BBS9: variants seen among roughly 807,000 people sequenced by gnomAD.
The protein encoded by BBS9 is Bardet-Biedl syndrome 9, also known as protein PTHB1.
Under a neutral mutation model 117.7 loss-of-function variants are expected in BBS9, and 89 were observed. The ratio of observed to expected loss-of-function variants is 0.76; its 90% CI spans 0.64 to 0.90. BBS9 has a LOEUF of 0.90. Ranked by LOEUF, BBS9 falls within the 40% of genes least tolerant of loss-of-function variation. The pLI, the probability that BBS9 is intolerant of heterozygous loss-of-function variation, is 0.00. For synonymous variants in BBS9, 379 were observed against 370.9 expected (o/e 1.02, Z -0.25); for missense variants, 982 against 1,042.2 (o/e 0.94, Z 0.80).
intron 20 of BBS9, among the ~76,000 whole-genome samples, chr7:33,527,279 G>C (rs1435373568): frequency 6.6e-6 from 1 of 152,232 alleles, no homozygotes; most frequent in Non-Finnish European, 1.5e-5. Flanking sequence ...GCTCCCCCCA[G>C]TTCGAGCTTC....
chr7:33,255,806 A>G (rs1796951755), intron 5 of BBS9, among the ~76,000 whole-genome samples: 1 of 152,214 alleles, frequency 6.6e-6, no homozygotes, highest in South Asian at 2.1e-4. Context: ...ACATGCATAT[A>G]AACTCACATC....
chr7:33,448,303 T>C (rs899640445), intron 19 of BBS9, among the ~76,000 whole-genome samples: 2 of 152,180 alleles, frequency 1.3e-5, no homozygotes, highest in East Asian at 3.8e-4. Context: ...GTATATTCTA[T>C]TGGGCTTGGG....
chr7:33,607,040 C>T (rs2129211299), downstream of BBS9, among the ~76,000 whole-genome samples: 1 of 152,198 alleles, frequency 6.6e-6, no homozygotes. Context: ...CCCTGGAGAA[C>T]TCTATGCCTC....
chr7:33,288,769 T>C (rs550033976), intron 9 of BBS9, among the ~76,000 whole-genome samples: 11 of 152,192 alleles, frequency 7.2e-5, no homozygotes, highest in Non-Finnish European at 1.6e-4. Context: ...ATGATGATAA[T>C]AGCAATTTGT....
chr7:33,387,867 T>A (rs1246100854), intron 18 of BBS9, 125 bp from the exon 19 acceptor site: 3 of 1,090,946 alleles, frequency 2.7e-6, no homozygotes, highest in Non-Finnish European at 4.1e-6. Flanking sequence ...TTTAATTCCC[T>A]TAACTCTATA....
chr7:33,315,321 C>T lies in BBS9; in HGVS notation c.1017-21120C>T, dbSNP rs144010670. On this transcript the variant is annotated intron_variant, in intron 9 of 22. Coordinates refer to ENST00000242067, the MANE Select transcript of BBS9 (RefSeq NM_198428.3). ...AGACTCATCATTGCAGTCTCTTCCT[C>T]TGTCTTCACAAGGCTCTCTCCCCTG... 5.1e-3 allele frequency among the ~76,000 whole-genome samples: 777 copies of T among 152,226 alleles called. 7 individuals carry two copies. Among genetic ancestry groups the T allele is most frequent in the South Asian group, 0.02 (98 of 4,814 alleles).
intron 21 of BBS9, among the ~76,000 whole-genome samples, chr7:33,591,608 A>G (rs559907613): frequency 3.3e-5 from 5 of 152,040 alleles, no homozygotes; most frequent in Non-Finnish European, 7.4e-5. Context: ...ACATTTAAAT[A>G]CATTGCTCTA....
intron 9 of BBS9, among the ~76,000 whole-genome samples, chr7:33,324,068 C>T (rs1228021285): frequency 6.6e-6 from 1 of 152,000 alleles, no homozygotes; most frequent in Non-Finnish European, 1.5e-5. Flanking sequence ...GAACTCTTGA[C>T]CTCAAGTAAT....
chr7:33,226,839 T>G (rs953832252), intron 5 of BBS9, among the ~76,000 whole-genome samples: 49 of 151,998 alleles, frequency 3.2e-4, no homozygotes, highest in African/African-American at 1.1e-3. Flanking sequence ...TAGAGTAGAG[T>G]AGTCAGATTT....
intron 5 of BBS9, among the ~76,000 whole-genome samples, chr7:33,219,324 C>T (rs527655983): frequency 4.7e-4 from 72 of 152,348 alleles, no homozygotes; most frequent in Non-Finnish European, 7.6e-4. Context: ...CCACCGCGGC[C>T]GGTCCCATCG....
chr7:33,364,308 C>G (rs930439173), intron 16 of BBS9, among the ~76,000 whole-genome samples: 21 of 152,212 alleles, frequency 1.4e-4, no homozygotes, highest in African/African-American at 4.8e-4. Context: ...TATCTATGTT[C>G]ATGAGAGAAA....
intron 21 of BBS9, among the ~76,000 whole-genome samples, chr7:33,589,092 T>C (rs186392892): frequency 1.3e-5 from 2 of 152,246 alleles, no homozygotes; most frequent in Admixed American, 6.5e-5. Flanking sequence ...GGCAGTCCAG[T>C]TTAAGGGTTA....
intron 5 of BBS9, among the ~76,000 whole-genome samples, chr7:33,204,421 A>AAT (rs3083584): frequency 6.6e-6 from 1 of 150,412 alleles, no homozygotes; most frequent in Admixed American, 6.6e-5. Flanking sequence ...AAAAAAAAAA[A>AAT]GTTATTTTAG....
intron 1 of BBS9, among the ~76,000 whole-genome samples, chr7:33,145,136 G>A (rs988051746): frequency 2.6e-5 from 4 of 152,186 alleles, no homozygotes; most frequent in Admixed American, 6.5e-5. Context: ...TTTCTCCTAG[G>A]AGCAATGGTT....
At chr7:33,185,264 C>T (rs112352035) in intron 5 of BBS9, among the ~76,000 whole-genome samples, 5 of 152,162 alleles carry the variant, frequency 3.3e-5, no homozygotes, top group Admixed American at 1.3e-4. Context: ...GTCTAACCTT[C>T]TGGGAATGCA....
chr7:33,295,906 A>G (rs1157204493), intron 9 of BBS9, among the ~76,000 whole-genome samples: 4 of 152,078 alleles, frequency 2.6e-5, no homozygotes, highest in Non-Finnish European at 5.9e-5. Context: ...TTATACCAAA[A>G]AGAGAAATTT....
chr7:33,400,383 T>C (rs1295485792), intron 19 of BBS9, among the ~76,000 whole-genome samples: 1 of 152,212 alleles, frequency 6.6e-6, no homozygotes, highest in Non-Finnish European at 1.5e-5. Flanking sequence ...TCCAATTATC[T>C]GTAATTGTAT....
At chr7:33,154,694 G>A (rs902643499) in intron 3 of BBS9, among the ~76,000 whole-genome samples, 3 of 152,074 alleles carry the variant, frequency 2.0e-5, no homozygotes, top group Non-Finnish European at 2.9e-5. Flanking sequence ...TCGAACTTCT[G>A]ATCTCAGGAG....
chr7:33,532,506 C>A (rs1850744127), intron 20 of BBS9, among the ~76,000 whole-genome samples: 2 of 152,122 alleles, frequency 1.3e-5, no homozygotes, highest in Non-Finnish European at 2.9e-5. Context: ...CACAGGGCAG[C>A]AGGAGAGAGA....
Sources: gnomAD v4.1 joint callset for allele counts (sites outside exome capture counted in the v4.1 genomes callset) on GRCh38, gnomAD v4.1.1 for gene constraint, MANE v1.5 for transcripts, NCBI Gene and HGNC (gene_info 2026-07-23, HGNC 2026-07-21) for gene names.